Variants in ENOX2 observed in about 807,000 individuals in gnomAD.
ENOX2 encodes ecto-NOX disulfide-thiol exchanger 2.
ENOX2 carries 36 observed loss-of-function variants against 45.0 expected under a neutral mutation model. That is an observed-to-expected ratio of 0.80 (90% CI 0.61 to 1.06). ENOX2 has a LOEUF of 1.06. ENOX2 is among the 50% of genes least tolerant of loss of function. The probability of loss-of-function intolerance (pLI) is 0.00; values close to 1 mark genes in which losing one functional copy is unlikely to be tolerated. For missense variants in ENOX2, 423 were observed against 462.5 expected (o/e 0.91, Z 0.78); for synonymous variants, 174 against 152.3 (o/e 1.14, Z -1.05).
In ENOX2 at chrX:130,833,056, A is replaced by ACACAC. The variant is rs759746444; in HGVS notation, c.-182-49367_-182-49366insGTGTG. Among the ~76,000 whole-genome samples the ACACAC allele has an allele frequency of 1.3e-3, 121 of 91,966 alleles. 1 individual carries two copies. Among genetic ancestry groups the ACACAC allele is most frequent in the African/African-American group, 4.8e-3 (114 of 23,962 alleles). 79.9% of individuals were successfully genotyped at this position (91,966 alleles called of 115,157 possible). ...ACACACACACACACACACACACACA[A>ACACAC]ACAGCACTGAATTTTCTTTTCACCC... On this transcript the variant is annotated intron_variant, in intron 2 of 14. Coordinates refer to ENST00000394363, the MANE Select transcript of ENOX2 (RefSeq NM_006375.4).
chrX:130,631,428 C>A, intron 13 of ENOX2, 40 bp downstream of exon 13: 1 of 755,181 alleles, frequency 1.3e-6, no homozygotes, highest in East Asian at 3.2e-5. Context: ...TCCATTGTAC[C>A]CAGGCATTGT....
chrX:130,750,651 C>G (rs768426761), intron 3 of ENOX2, among the ~76,000 whole-genome samples: 1 of 111,438 alleles, frequency 9.0e-6, no homozygotes, highest in Non-Finnish European at 1.9e-5. Context: ...CTCGGTCAGT[C>G]TCTTTGTCTT....
At chrX:130,776,778 G>A (rs759585501) in intron 3 of ENOX2, among the ~76,000 whole-genome samples, 2 of 111,857 alleles carry the variant, frequency 1.8e-5, no homozygotes, top group African/African-American at 6.5e-5. Flanking sequence ...GGCTGGGATG[G>A]AGGACACAAA....
At chrX:130,675,468 TGAGA>T (rs770256595) in intron 6 of ENOX2, among the ~76,000 whole-genome samples, 1 of 112,676 alleles carries the variant, frequency 8.9e-6, no homozygotes, top group Non-Finnish European at 1.9e-5. Context: ...GAACAACATC[TGAGA>T]GAGGACAAAC....
chrX:130,800,322 G>C (rs373470819), intron 2 of ENOX2, among the ~76,000 whole-genome samples: 1 of 99,327 alleles, frequency 1.0e-5, no homozygotes, highest in Non-Finnish European at 2.0e-5. Flanking sequence ...TATTAGTATT[G>C]TTATACAGCA....
intron 2 of ENOX2, among the ~76,000 whole-genome samples, chrX:130,854,422 C>G (rs1002564059): frequency 1.8e-5 from 2 of 111,454 alleles, no homozygotes; most frequent in Admixed American, 1.9e-4. Flanking sequence ...AGCACAATAA[C>G]AACAGATCTA....
intron 2 of ENOX2, among the ~76,000 whole-genome samples, chrX:130,859,698 A>C (rs920802373): frequency 1.8e-5 from 2 of 112,074 alleles, no homozygotes; most frequent in African/African-American, 6.5e-5. Flanking sequence ...TTTGAAACAT[A>C]AATGTCTGAC....
chrX:130,653,652 G>C (rs1349671639), intron 10 of ENOX2, among the ~76,000 whole-genome samples: 1 of 111,997 alleles, frequency 8.9e-6, no homozygotes, highest in East Asian at 2.8e-4. Flanking sequence ...ATTCTAATCA[G>C]TACCTTCCAT....
At chrX:130,789,226 G>T (rs200137342) in intron 2 of ENOX2, among the ~76,000 whole-genome samples, 2 of 112,422 alleles carry the variant, frequency 1.8e-5, no homozygotes, top group East Asian at 5.6e-4. Flanking sequence ...TGATTCGTGG[G>T]CTTTGAGGAA....
chrX:130,752,340 CTG>C (rs1240088400), intron 3 of ENOX2, among the ~76,000 whole-genome samples: 1 of 110,835 alleles, frequency 9.0e-6, no homozygotes, highest in African/African-American at 3.3e-5. Flanking sequence ...GTCTTGCTCT[CTG>C]TGTCTTTCTG....
chrX:130,816,891 G>T (rs1363014344), intron 2 of ENOX2, among the ~76,000 whole-genome samples: 1 of 111,641 alleles, frequency 9.0e-6, no homozygotes, highest in East Asian at 2.8e-4. Flanking sequence ...AAAGCTAGCA[G>T]AAGACAAGAA....
At chrX:130,814,454 T>C (rs1180987350) in intron 2 of ENOX2, among the ~76,000 whole-genome samples, 1 of 111,857 alleles carries the variant, frequency 8.9e-6, no homozygotes, top group South Asian at 3.8e-4. Flanking sequence ...GACTGGGAGA[T>C]ACCTCCCAGC....
chrX:130,816,068 A>G (rs2077479974), intron 2 of ENOX2, among the ~76,000 whole-genome samples: 2 of 111,765 alleles, frequency 1.8e-5, no homozygotes, highest in African/African-American at 6.5e-5. Context: ...AAGCAAATGG[A>G]AAGCAAAACA....
intron 2 of ENOX2, among the ~76,000 whole-genome samples, chrX:130,845,497 C>T (rs1005680485): frequency 8.9e-6 from 1 of 112,548 alleles, no homozygotes; most frequent in Non-Finnish European, 1.9e-5. Flanking sequence ...CAGAGTTTCA[C>T]TCCTGTTGCC....
At chrX:130,646,003 A>G in intron 10 of ENOX2, 1 of 604,498 alleles carries the variant, frequency 1.7e-6, no homozygotes, top group Non-Finnish European at 2.9e-6. Context: ...TACGTTTGTG[A>G]GAGGAAGGAT....
rs1252770544 is a variant in ENOX2 at position 130,661,238 on chromosome X, G to A, written c.1014+4405C>T. Among the ~76,000 whole-genome samples the A allele has an allele frequency of 1.0e-4, 11 of 108,032 alleles. No homozygotes were observed. In the Admixed American group the frequency reaches 1.1e-3, roughly 11 times the overall value. The allele number at this position is 108,032 out of a possible 115,157, so 93.8% of individuals were successfully genotyped here. A position where few individuals can be genotyped will look rare whatever the true frequency, so the allele number is the denominator to read the frequency against. On this transcript the variant is annotated intron_variant, in intron 9 of 14. Transcript: ENST00000394363. ...GGGTCTTGCTCTGTTGCCCAGGCTG[G>A]AGTGCAGTGGTGTGATCATGGCTCA...
chrX:130,693,082 G>T (rs2148192823), intron 4 of ENOX2, among the ~76,000 whole-genome samples: 1 of 112,124 alleles, frequency 8.9e-6, no homozygotes, highest in South Asian at 3.7e-4. Flanking sequence ...TTGGCAGAGT[G>T]ATTATTGTCC....
At chrX:130,694,498 A>G (rs2037699807) in intron 4 of ENOX2, among the ~76,000 whole-genome samples, 1 of 110,548 alleles carries the variant, frequency 9.0e-6, no homozygotes, top group Non-Finnish European at 1.9e-5. Context: ...GAAACCTCAG[A>G]GGTGTTCTAC....
chrX:130,800,177 CATA>C (rs1341637002), intron 2 of ENOX2, among the ~76,000 whole-genome samples: 1 of 111,197 alleles, frequency 9.0e-6, no homozygotes, highest in East Asian at 2.8e-4. Flanking sequence ...AACACACTGA[CATA>C]ATGACAAAAA....
Sources: gnomAD v4.1 joint callset for allele counts (sites outside exome capture counted in the v4.1 genomes callset) on GRCh38, gnomAD v4.1.1 for gene constraint, MANE v1.5 for transcripts, NCBI Gene and HGNC (gene_info 2026-07-23, HGNC 2026-07-21) for gene names.